The following PCDHGA12 variants were observed in gnomAD, a reference collection of about 807,000 sequenced individuals.
PCDHGA12 encodes protocadherin gamma-A12.
In PCDHGA12, 43 loss-of-function variants were observed where a neutral mutation model predicts 61.1. The observed-to-expected ratio is 0.70, with a 90% CI of 0.55 to 0.91. The LOEUF is 0.91. Ranked by LOEUF, PCDHGA12 falls within the 40% of genes least tolerant of loss-of-function variation. The pLI is 0.00. For missense variants in PCDHGA12, 1,236 were observed against 1,227.7 expected, an observed-to-expected ratio of 1.01 and a Z score of -0.10; for synonymous variants, 520 against 542.9, an observed-to-expected ratio of 0.96 and a Z score of 0.59.
chr5:141,441,737 C>CG, intron 1 of PCDHGA12: 1 of 365,242 alleles, frequency 2.7e-6, no homozygotes, highest in South Asian at 2.2e-5. Flanking sequence ...AGGACTAGCT[C>CG]GCGCTCGGCG....
intron 2 of PCDHGA12, among the ~76,000 whole-genome samples, chr5:141,499,869 G>A (rs1247615457): frequency 3.3e-5 from 5 of 151,938 alleles, no homozygotes; most frequent in Non-Finnish European, 5.9e-5. Context: ...TGTATTTTCA[G>A]TACAAACAGG....
At chr5:141,509,040 C>G (rs1217864661) in intron 3 of PCDHGA12, among the ~76,000 whole-genome samples, 1 of 152,132 alleles carries the variant, frequency 6.6e-6, no homozygotes, top group Non-Finnish European at 1.5e-5. Context: ...CAACCCCTCT[C>G]CCCCGCCCCC....
At position 141,491,318 on chromosome 5, in the gene PCDHGA12, A is replaced by C; in HGVS notation, c.2425-3489A>C. The C allele has an allele frequency of 6.2e-7, 1 of 1,613,862 alleles. No individual in the cohort carries two copies. The highest frequency in any genetic ancestry group is 8.5e-7 in the Non-Finnish European group (1 of 1,179,916). On this transcript the variant is annotated intron_variant, in intron 1 of 3. Transcript: ENST00000252085. The surrounding 1 kb of genome is among the most constrained non-coding windows in gnomAD (Gnocchi z 6.9). ...CCTGAGCGTTCAGACCTTACCCTTT[A>C]CCTCATTGTGGCTCTAGCGACCGTC...
Position 141,431,325 on chromosome 5 carries a change from G to GT in PCDHGA12, c.567dup (p.Lys190Ter), listed in dbSNP as rs1340996903. On this transcript the variant is annotated frameshift_variant, in exon 1 of 4. Transcript: ENST00000252085. LOFTEE classifies it high-confidence loss of function. This position sits in a 1 kb window ranked among gnomAD's most constrained non-coding sequence, Gnocchi z 4.8. ...ATCGTGCAAAATGGAGCCGACGGTA[G>GT]TAAGTACCCCGAATTGGTGCTGAAA... 22 of 1,614,028 alleles carry GT rather than the reference G, an allele frequency of 1.4e-5. No homozygotes were observed. In the Admixed American group the frequency reaches 2.5e-4, roughly 18 times the overall value.
In PCDHGA12 at chr5:141,476,348, G is replaced by T. The variant is rs764669470; in HGVS notation, c.2425-18459G>T. On this transcript the variant is annotated intron_variant, in intron 1 of 3. Transcript: ENST00000252085. This position sits in a 1 kb window ranked among gnomAD's most constrained non-coding sequence, Gnocchi z 7.6. ...GTCTGGAGCTAGCCGAAGATTCTTTGAGGTGAACCGGGAGACCGGAGAGAT... is the reference window on the plus strand; with the variant it reads ...GTCTGGAGCTAGCCGAAGATTCTTTTAGGTGAACCGGGAGACCGGAGAGAT... 1 of 1,614,190 alleles carries T rather than the reference G, an allele frequency of 6.2e-7. No individual in the cohort carries two copies. The highest frequency in any genetic ancestry group is 8.5e-7 in the Non-Finnish European group (1 of 1,180,032).
intron 2 of PCDHGA12, among the ~76,000 whole-genome samples, chr5:141,496,486 C>T (rs186488143): frequency 1.3e-5 from 2 of 152,322 alleles, no homozygotes; most frequent in East Asian, 3.9e-4. Flanking sequence ...CTGCAACCAA[C>T]CAAACCCTTG....
At chr5:141,505,081 G>A (rs2099843521) in intron 2 of PCDHGA12, among the ~76,000 whole-genome samples, 3 of 152,146 alleles carry the variant, frequency 2.0e-5, no homozygotes, top group Admixed American at 2.0e-4. Flanking sequence ...AGAATCGCTT[G>A]AACCCAGGAG....
intron 1 of PCDHGA12, among the ~76,000 whole-genome samples, chr5:141,456,736 G>A (rs1339661302): frequency 1.3e-5 from 2 of 151,924 alleles, no homozygotes; most frequent in Non-Finnish European, 2.9e-5. Context: ...AGGCTGAGGC[G>A]GGAGCATCAT....
chr5:141,487,377 C>T lies in PCDHGA12; in HGVS notation c.2425-7430C>T, dbSNP rs758216933. Reference sequence around the variant, plus strand: ...CCTGCTGGCACCTGTGCCTGTCTCACCAGATCTCGAAGGAGGGAGGGGCTT... The same window carrying T: ...CCTGCTGGCACCTGTGCCTGTCTCATCAGATCTCGAAGGAGGGAGGGGCTT... On this transcript the variant is annotated intron_variant, in intron 1 of 3. Transcript: ENST00000252085. The surrounding 1 kb of genome is among the most constrained non-coding windows in gnomAD (Gnocchi z 5.0). 6.2e-7 allele frequency: 1 copy of T among 1,614,190 alleles called. No homozygotes were observed. Among genetic ancestry groups the T allele is most frequent in the Non-Finnish European group, 8.5e-7 (1 of 1,180,034 alleles).
intron 1 of PCDHGA12, chr5:141,475,984 G>T: frequency 1.9e-6 from 2 of 1,069,308 alleles, no homozygotes; most frequent in South Asian, 3.1e-5. Context: ...AACAGCCGGC[G>T]AGCAAATCAA....
chr5:141,430,849 G>A lies in PCDHGA12; in HGVS notation c.90G>A (p.Gln30=). The change falls in exon 1 of 4, where the codon CAG becomes CAA. Residue 30 remains glutamine (Q), a synonymous_variant. Transcript: ENST00000252085. The part of the protein sequence containing the change: ...LGTLWETGCT[Q]IRYSVPEELE... ...CTCTGTGGGAGACCGGATGCACCCAGATACGCTATTCAGTTCCGGAAGAGC... is the reference window on the plus strand; with the variant it reads ...CTCTGTGGGAGACCGGATGCACCCAAATACGCTATTCAGTTCCGGAAGAGC... The A allele has an allele frequency of 6.3e-7, 1 of 1,582,030 alleles. No individual in the cohort carries two copies. The highest frequency in any genetic ancestry group is 8.6e-7 in the Non-Finnish European group (1 of 1,166,174).
At chr5:141,460,666 C>G (rs1245201344) in intron 1 of PCDHGA12, among the ~76,000 whole-genome samples, 1 of 151,670 alleles carries the variant, frequency 6.6e-6, no homozygotes, top group South Asian at 2.1e-4. Context: ...ACTGTAAACA[C>G]AGTTATATAT....
intron 1 of PCDHGA12, among the ~76,000 whole-genome samples, chr5:141,453,823 G>A (rs2154564414): frequency 6.6e-6 from 1 of 152,250 alleles, no homozygotes; most frequent in South Asian, 2.1e-4. Flanking sequence ...GACAAACTTG[G>A]CTGCTAGCCC....
rs373882091 is a variant in PCDHGA12 at position 141,432,369 on chromosome 5, A to T, written c.1610A>T (p.Asn537Ile). 1.2e-6 allele frequency: 2 copies of T among 1,614,104 alleles called. No homozygotes were observed. Among genetic ancestry groups the T allele is most frequent in the African/African-American group, 2.7e-5 (2 of 74,938 alleles). The change falls in exon 1 of 4, where the codon AAC (asparagine) becomes ATC (isoleucine). Residue 537 changes from asparagine (N) to isoleucine (I), a missense_variant. Transcript: ENST00000252085. The surrounding 1 kb of genome is among the most constrained non-coding windows in gnomAD (Gnocchi z 6.0). ...DLQVKVMARD[N>I]GHPPLSSNVS... Reference sequence around the variant, plus strand: ...CAAGTGAAAGTGATGGCGCGGGACAACGGGCACCCGCCCCTCAGCAGCAAC... The same window carrying T: ...CAAGTGAAAGTGATGGCGCGGGACATCGGGCACCCGCCCCTCAGCAGCAAC...
chr5:141,496,513 G>A (rs1364297990), intron 2 of PCDHGA12, among the ~76,000 whole-genome samples: 1 of 152,140 alleles, frequency 6.6e-6, no homozygotes, highest in Non-Finnish European at 1.5e-5. Context: ...CAAGGACCCA[G>A]GAGCCCTTGG....
chr5:141,496,959 G>C (rs1451127360), intron 2 of PCDHGA12, among the ~76,000 whole-genome samples: 2 of 151,894 alleles, frequency 1.3e-5, no homozygotes, highest in Non-Finnish European at 2.9e-5. Flanking sequence ...GCCAAGGTGG[G>C]TAGATCACTT....
At chr5:141,444,473 G>C (rs943971075) in intron 1 of PCDHGA12, among the ~76,000 whole-genome samples, 6 of 151,972 alleles carry the variant, frequency 3.9e-5, no homozygotes, top group South Asian at 2.1e-4. Flanking sequence ...GCCCGGTCGC[G>C]TACTGGATTT....
At chr5:141,488,705 G>C (rs1024064135) in intron 1 of PCDHGA12, among the ~76,000 whole-genome samples, 8 of 152,200 alleles carry the variant, frequency 5.3e-5, no homozygotes, top group Non-Finnish European at 1.2e-4. Context: ...AGATTTTGCT[G>C]GTTCAAGCAA....
chr5:141,460,848 C>T lies in PCDHGA12; in HGVS notation c.2424+27665C>T, dbSNP rs528601988. Among the ~76,000 whole-genome samples, 257 of 150,340 alleles carry T rather than the reference C, an allele frequency of 1.7e-3. 1 individual carries two copies. The highest frequency in any genetic ancestry group is 4.2e-3 in the Admixed American group (62 of 14,868). ...ACACTTAAAGTAATGGCCTCCAGTT[C>T]GATCCAAGTTGCTGCAAAGGACATT... is the stretch of plus-strand genomic sequence containing the variant. On this transcript the variant is annotated intron_variant, in intron 1 of 3. Transcript: ENST00000252085.
Sources: allele counts gnomAD v4.1 joint callset (sites outside exome capture counted in the v4.1 genomes callset), GRCh38; gene constraint gnomAD v4.1.1; non-coding constraint Gnocchi (gnomAD v3.1); transcripts MANE v1.5; gene names NCBI Gene and HGNC (gene_info 2026-07-23, HGNC 2026-07-21).